Variants in STAM2 observed in about 807,000 individuals in gnomAD.
STAM2 encodes signal transducing adapter molecule 2.
In STAM2, 51 loss-of-function variants were observed where a neutral mutation model predicts 65.6. The observed-to-expected ratio is 0.78, with a 90% CI of 0.62 to 0.98. The LOEUF (loss-of-function observed/expected upper bound fraction) is 0.98. Ranked by LOEUF, STAM2 falls within the 50% of genes least tolerant of loss-of-function variation. STAM2 has a pLI of 0.00. For missense variants in STAM2, 584 were observed against 617.8 expected, an observed-to-expected ratio of 0.95 and a Z score of 0.58; for synonymous variants, 198 against 208.4, an observed-to-expected ratio of 0.95 and a Z score of 0.43.
At position 152,118,399 on chromosome 2, in the gene STAM2, T is replaced by C. The variant is rs1688788613; in HGVS notation, c.*2175A>G. 1.3e-5 allele frequency: 2 copies of C among 150,244 alleles called. No individual in the cohort carries two copies. The highest frequency in any genetic ancestry group is 1.3e-4 in the Admixed American group (2 of 15,034). 9.3% of individuals were successfully genotyped at this position (150,244 alleles called of 1,614,324 possible). ...TTTTTAACTTGAGAAAGAAAAAAAC[T>C]TCTGCACATATAAACTTTCACCGAT... On this transcript the variant is annotated 3_prime_UTR_variant, in exon 14 of 14. Transcript: ENST00000263904.
chr2:152,129,501 T>C (rs1689019926), intron 11 of STAM2, among the ~76,000 whole-genome samples: 1 of 152,206 alleles, frequency 6.6e-6, no homozygotes, highest in Admixed American at 6.5e-5. Flanking sequence ...AAATTCTTTT[T>C]ATGAACCAAA....
chr2:152,144,761 T>TGGTCA, intron 6 of STAM2, 127 bp downstream of exon 6: 1 of 687,042 alleles, frequency 1.5e-6, no homozygotes, highest in Non-Finnish European at 2.6e-6. Flanking sequence ...CTGGTCTCGA[T>TGGTCA]CTCTTGACCT....
Position 152,147,276 on chromosome 2 carries a change from A to G in STAM2, c.333T>C (p.Ser111=). 1 of 1,602,788 alleles carries G rather than the reference A, an allele frequency of 6.2e-7. No homozygotes were observed. Among genetic ancestry groups the G allele is most frequent in the Non-Finnish European group, 8.5e-7 (1 of 1,176,170 alleles). The change falls in exon 5 of 14, where the codon TCT becomes TCC. Residue 111 remains serine, a synonymous_variant. Transcript: ENST00000263904. ...ATTCTTCTGACCACTCCACCATTAA[A>G]GATTTCAGTTTTTCACATACTTTAG... is the stretch of plus-strand genomic sequence containing the variant. ...AHPKVCEKLK[S]LMVEWSEEFQ...
At chr2:152,146,439 C>T (rs887029837) in intron 5 of STAM2, among the ~76,000 whole-genome samples, 1 of 151,984 alleles carries the variant, frequency 6.6e-6, no homozygotes, top group Non-Finnish European at 1.5e-5. Flanking sequence ...TCCCCTAGAC[C>T]TAAAAAAACC....
chr2:152,155,132 T>A (rs750172225), intron 1 of STAM2, among the ~76,000 whole-genome samples: 2 of 152,214 alleles, frequency 1.3e-5, no homozygotes, highest in Non-Finnish European at 2.9e-5. Context: ...AATTTTTGTT[T>A]GTTTTGTTCA....
chr2:152,151,114 T>C (rs1255311293), intron 1 of STAM2, among the ~76,000 whole-genome samples: 1 of 151,858 alleles, frequency 6.6e-6, no homozygotes, highest in Non-Finnish European at 1.5e-5. Flanking sequence ...TATGATTTGC[T>C]TGGGCTTATA....
chr2:152,122,433 A>G (rs72859853), intron 13 of STAM2, among the ~76,000 whole-genome samples: 579 of 152,222 alleles, frequency 3.8e-3, no homozygotes, highest in Non-Finnish European at 5.9e-3. Flanking sequence ...AAAAAGTTTC[A>G]ATAAAAAAAA....
chr2:152,160,584 G>A (rs1323382660), intron 1 of STAM2, among the ~76,000 whole-genome samples: 2 of 150,628 alleles, frequency 1.3e-5, no homozygotes, highest in Non-Finnish European at 3.0e-5. Context: ...CAGGCCAGCC[G>A]CTCCGTCCAG....
intron 1 of STAM2, among the ~76,000 whole-genome samples, chr2:152,152,931 G>C (rs1209801276): frequency 6.6e-6 from 1 of 152,088 alleles, no homozygotes; most frequent in Non-Finnish European, 1.5e-5. Context: ...TATTTATAAA[G>C]GTTTATTAAG....
chr2:152,160,852 C>A (rs1689658164), intron 1 of STAM2, among the ~76,000 whole-genome samples: 1 of 149,732 alleles, frequency 6.7e-6, no homozygotes, highest in Non-Finnish European at 1.5e-5. Context: ...ACCCGGCCAG[C>A]CGCCCCGTCC....
chr2:152,172,557 G>C (rs1280862435), intron 1 of STAM2, among the ~76,000 whole-genome samples: 1 of 152,078 alleles, frequency 6.6e-6, no homozygotes. Context: ...CTTCCTGTTG[G>C]GAAAGTGCTA....
chr2:152,137,078 TG>T (rs1273085483), intron 7 of STAM2, among the ~76,000 whole-genome samples: 3 of 151,870 alleles, frequency 2.0e-5, no homozygotes, highest in Non-Finnish European at 4.4e-5. Context: ...TTAGTAGAGA[TG>T]GGGTTTTGTC....
intron 11 of STAM2, 30 bp downstream of exon 11, chr2:152,132,084 T>C (rs751040745): frequency 2.0e-6 from 3 of 1,534,410 alleles, no homozygotes; most frequent in East Asian, 2.5e-5. Flanking sequence ...CCCAAAACTA[T>C]ACTTTTTATT....
chr2:152,136,383 C>T (rs1689155069), intron 7 of STAM2, among the ~76,000 whole-genome samples: 2 of 151,972 alleles, frequency 1.3e-5, no homozygotes, highest in South Asian at 4.1e-4. Context: ...GCAGAGGTTG[C>T]AGTGAGCTGA....
chr2:152,157,781 G>C (rs902237978), intron 1 of STAM2, among the ~76,000 whole-genome samples: 2 of 152,184 alleles, frequency 1.3e-5, no homozygotes, highest in African/African-American at 4.8e-5. Context: ...AGGAGGAAAA[G>C]CCCTCTAGAA....
At position 152,170,799 on chromosome 2, in the gene STAM2, T is replaced by C. The variant is rs148836388; in HGVS notation, c.40+4804A>G. ...TCACCTAAGGTCAGGAGTTCGAAACTGGCATGGCCAACATGGCGAAATCCC... is the reference window on the plus strand; with the variant it reads ...TCACCTAAGGTCAGGAGTTCGAAACCGGCATGGCCAACATGGCGAAATCCC... On this transcript the variant is annotated intron_variant, in intron 1 of 13. Transcript: ENST00000263904. Among the ~76,000 whole-genome samples, 336 of 152,260 alleles carry C rather than the reference T, an allele frequency of 2.2e-3. 7 individuals carry two copies. Among genetic ancestry groups the C allele is most frequent in the East Asian group, 2.3e-3 (12 of 5,160 alleles).
chr2:152,117,591 C>G lies in STAM2; in HGVS notation c.*2983G>C, dbSNP rs973511233. On this transcript the variant is annotated 3_prime_UTR_variant, in exon 14 of 14. Coordinates refer to ENST00000263904, the MANE Select transcript of STAM2 (RefSeq NM_005843.6). ...CTGATGATGAAAGAAGAAAAAGTAC[C>G]TTCCGATAGAAATAAAGCATTATAG... is the stretch of plus-strand genomic sequence containing the variant. The G allele has an allele frequency of 4.6e-5, 7 of 152,090 alleles. No individual in the cohort carries two copies. Among genetic ancestry groups the G allele is most frequent in the Admixed American group, 3.9e-4 (6 of 15,264 alleles). 9.4% of individuals were successfully genotyped at this position (152,090 alleles called of 1,614,324 possible).
At chr2:152,157,158 C>T (rs75045962) in intron 1 of STAM2, among the ~76,000 whole-genome samples, 1 of 152,228 alleles carries the variant, frequency 6.6e-6, no homozygotes, top group African/African-American at 2.4e-5. Flanking sequence ...CGAGAGATGG[C>T]GACCAGGTTT....
At position 152,135,401 on chromosome 2, in the gene STAM2, A is replaced by G. The variant is rs1689135390; in HGVS notation, c.799+108T>C. ...AGATTGTCATGCCTATAAAGAAATGATTTAAAACAAAAGTTAAATGCCAAT... is the reference window on the plus strand; with the variant it reads ...AGATTGTCATGCCTATAAAGAAATGGTTTAAAACAAAAGTTAAATGCCAAT... On this transcript the variant is annotated intron_variant, in intron 8 of 13. Transcript: ENST00000263904. 5 of 793,964 alleles carry G rather than the reference A, an allele frequency of 6.3e-6. No homozygotes were observed. The South Asian group carries it at 7.8e-5, about 12-fold the overall frequency. 49.2% of individuals were successfully genotyped at this position (793,964 alleles called of 1,614,324 possible).
Sources: allele counts gnomAD v4.1 joint callset (sites outside exome capture counted in the v4.1 genomes callset), GRCh38; gene constraint gnomAD v4.1.1; transcripts MANE v1.5; gene names NCBI Gene and HGNC (gene_info 2026-07-23, HGNC 2026-07-21).